The following SRSF4 variants were observed in gnomAD, a reference collection of about 807,000 sequenced individuals.
SRSF4 encodes serine and arginine rich splicing factor 4, also known as serine/arginine-rich splicing factor 4.
In SRSF4, 12 loss-of-function variants were observed where a neutral mutation model predicts 48.8. The ratio of observed to expected loss-of-function variants is 0.25; its 90% CI spans 0.16 to 0.40. The LOEUF (loss-of-function observed/expected upper bound fraction) is 0.40. Ranked by LOEUF, SRSF4 falls within the 10% of genes least tolerant of loss-of-function variation. The pLI is 1.00. For missense variants in SRSF4, 466 were observed against 667.1 expected, an observed-to-expected ratio of 0.70 and a Z score of 3.32; for synonymous variants, 248 against 232.5, an observed-to-expected ratio of 1.07 and a Z score of -0.61.
chr1:29,165,364 A>T (rs1319633040), intron 1 of SRSF4, among the ~76,000 whole-genome samples: 1 of 152,234 alleles, frequency 6.6e-6, no homozygotes, highest in Non-Finnish European at 1.5e-5. Context: ...AATTCTGAAA[A>T]GGTAGAACTG....
At chr1:29,153,938 C>G (rs554183430) in intron 4 of SRSF4, among the ~76,000 whole-genome samples, 4 of 151,964 alleles carry the variant, frequency 2.6e-5, no homozygotes, top group African/African-American at 7.2e-5. Flanking sequence ...TCCCTGTCGC[C>G]CAGGCTGGAG....
At chr1:29,149,295 A>T in intron 5 of SRSF4, 69 bp from the exon 6 acceptor site, 1 of 1,541,988 alleles carries the variant, frequency 6.5e-7, no homozygotes, top group Non-Finnish European at 8.7e-7. Flanking sequence ...AAAAGACCAA[A>T]GGGCATACAT....
chr1:29,176,229 G>C (rs532762028), intron 1 of SRSF4, among the ~76,000 whole-genome samples: 1 of 152,136 alleles, frequency 6.6e-6, no homozygotes, highest in Admixed American at 6.6e-5. Flanking sequence ...TCCAGCCTGG[G>C]CGACAGAGCA....
chr1:29,172,158 T>C (rs973210862), intron 1 of SRSF4: 5 of 152,180 alleles, frequency 3.3e-5, no homozygotes, highest in African/African-American at 9.7e-5. Flanking sequence ...AAAAAAAAAT[T>C]TGATCACATT....
At chr1:29,169,360 C>T (rs1159655665) in intron 1 of SRSF4, 4 of 152,216 alleles carry the variant, frequency 2.6e-5, no homozygotes, top group Admixed American at 2.6e-4. Context: ...GAAACACAAG[C>T]TCTTGCACAG....
At chr1:29,169,566 CTA>C (rs1271394076) in intron 1 of SRSF4, 1 of 152,146 alleles carries the variant, frequency 6.6e-6, no homozygotes, top group African/African-American at 2.4e-5. Context: ...AATTTTAATA[CTA>C]GTCTAGGAAA....
chr1:29,159,028 C>T (rs1672552528), intron 3 of SRSF4, among the ~76,000 whole-genome samples: 1 of 151,828 alleles, frequency 6.6e-6, no homozygotes, highest in African/African-American at 2.4e-5. Context: ...ATTGCTTGAA[C>T]CCGGGAGGCG....
At chr1:29,167,928 A>G (rs1672690277) in intron 1 of SRSF4, among the ~76,000 whole-genome samples, 1 of 152,048 alleles carries the variant, frequency 6.6e-6, no homozygotes, top group Admixed American at 6.6e-5. Flanking sequence ...CTCATTTTCA[A>G]GGAGCTCATG....
At chr1:29,166,971 T>A (rs1347517851) in intron 1 of SRSF4, 1 of 152,258 alleles carries the variant, frequency 6.6e-6, no homozygotes, top group Admixed American at 6.5e-5. Context: ...GACCATCTAA[T>A]TTGCTCCCAA....
rs1644232149 is a variant in SRSF4, at chr1:29,148,150, G to A, written c.*260C>T. The A allele has an allele frequency of 1.6e-6, 1 of 619,478 alleles. No individual in the cohort carries two copies. Among genetic ancestry groups the A allele is most frequent in the African/African-American group, 1.8e-5 (1 of 55,516 alleles). 38.4% of individuals were successfully genotyped at this position (619,478 alleles called of 1,614,324 possible). A position where few individuals can be genotyped will look rare whatever the true frequency, so the allele number is the denominator to read the frequency against. ...CCTGTAGGAAAGGCCAGGCCTGAAA[G>A]CCAAGGCGTTTTGGATATTCTACTG... On this transcript the variant is annotated 3_prime_UTR_variant, in exon 6 of 6. Transcript: ENST00000373795.
Position 29,147,836 on chromosome 1 carries a change from C to G in SRSF4, c.*574G>C, listed in dbSNP as rs1219763355. 1.1e-5 allele frequency: 2 copies of G among 174,426 alleles called. No homozygotes were observed. The highest frequency in any genetic ancestry group is 1.1e-4 in the Admixed American group (2 of 17,688). 10.8% of individuals were successfully genotyped at this position (174,426 alleles called of 1,614,324 possible). Reference sequence around the variant, plus strand: ...GGGAAAAATAAAATTAAAAAAAATTCTTTTCTTTTCTTTTTTAATATAAAA... The same window carrying G: ...GGGAAAAATAAAATTAAAAAAAATTGTTTTCTTTTCTTTTTTAATATAAAA... On this transcript the variant is annotated 3_prime_UTR_variant, in exon 6 of 6. Coordinates refer to ENST00000373795, the MANE Select transcript of SRSF4 (RefSeq NM_005626.5).
At position 29,148,716 on chromosome 1, in the gene SRSF4, C is replaced by A. The variant is rs542642003; in HGVS notation, c.1179G>T (p.Lys393Asn). The change falls in exon 6 of 6, where the codon AAG becomes AAT. Residue 393 changes from lysine to asparagine, a missense_variant. Coordinates refer to ENST00000373795, the MANE Select transcript of SRSF4 (RefSeq NM_005626.5). ...AGCGGTCAGTGTCTTCCTTCTTCTT[C>A]TTCTTGCTGCTGCCCGCCTTGCTGT... is the stretch of plus-strand genomic sequence containing the variant. ...KRDSKAGSSK[K>N]KKKEDTDRSQ... 198 of 1,613,782 alleles carry A rather than the reference C, an allele frequency of 1.2e-4. No individual in the cohort carries two copies. The highest frequency in any genetic ancestry group is 1.6e-4 in the Non-Finnish European group (185 of 1,179,964).
chr1:29,160,304 T>C (rs1672574345), intron 2 of SRSF4, 71 bp downstream of exon 2: 1 of 1,477,168 alleles, frequency 6.8e-7, no homozygotes, highest in Non-Finnish European at 9.1e-7. Flanking sequence ...GTAATATCAA[T>C]TAATTACTTT....
intron 4 of SRSF4, among the ~76,000 whole-genome samples, chr1:29,154,316 G>A (rs767591337): frequency 1.3e-5 from 2 of 152,168 alleles, no homozygotes; most frequent in African/African-American, 2.4e-5. Context: ...CACCCACCTC[G>A]GCCTCCCAAA....
intron 1 of SRSF4, chr1:29,172,179 A>G (rs1033856419): frequency 6.6e-6 from 1 of 152,246 alleles, no homozygotes; most frequent in African/African-American, 2.4e-5. Context: ...TGTAATAGTT[A>G]TATTACTAAT....
chr1:29,148,068 C>A lies in SRSF4; in HGVS notation c.*342G>T. On this transcript the variant is annotated 3_prime_UTR_variant, in exon 6 of 6. Coordinates refer to ENST00000373795, the MANE Select transcript of SRSF4 (RefSeq NM_005626.5). Reference sequence around the variant, plus strand: ...ATTCAAGAGCAAAAATGGTTGAACTCACCATACCTACCTATGTGGTCATTC... The same window carrying A: ...ATTCAAGAGCAAAAATGGTTGAACTAACCATACCTACCTATGTGGTCATTC... 2.0e-6 allele frequency: 1 copy of A among 499,276 alleles called. No homozygotes were observed. Among genetic ancestry groups the A allele is most frequent in the Non-Finnish European group, 3.9e-6 (1 of 255,906 alleles). 30.9% of individuals were successfully genotyped at this position (499,276 alleles called of 1,614,324 possible).
intron 1 of SRSF4, among the ~76,000 whole-genome samples, chr1:29,161,657 G>T (rs1166403173): frequency 2.6e-5 from 4 of 152,212 alleles, no homozygotes; most frequent in Non-Finnish European, 4.4e-5. Flanking sequence ...GGAGCGCAGT[G>T]GTGCGATCTC....
Position 29,148,254 on chromosome 1 carries a change from A to T in SRSF4, c.*156T>A, listed in dbSNP as rs1672336714. The T allele has an allele frequency of 5.5e-6, 6 of 1,096,832 alleles. No individual in the cohort carries two copies. Among genetic ancestry groups the T allele is most frequent in the Non-Finnish European group, 8.1e-6 (6 of 741,936 alleles). 67.9% of individuals were successfully genotyped at this position (1,096,832 alleles called of 1,614,324 possible). On this transcript the variant is annotated 3_prime_UTR_variant, in exon 6 of 6. Transcript: ENST00000373795. ...GGAAGGCCTGGTGCCAGGAGGCTTT[A>T]CTGAGAGGAAGCACTTAGATTTAAC...
chr1:29,181,698 C>G lies in SRSF4; in HGVS notation c.55G>C (p.Glu19Gln), dbSNP rs1220690140. Residue 19 changes from glutamate to glutamine, a missense_variant, in exon 1 of 6, where the codon GAG becomes CAG. Transcript: ENST00000373795. Reference sequence around the variant, plus strand: ...TTCCCGTAGCCCTTAAAGAAGCGCTCCACATCGCGCTCCCGGGCCTGGTAG... The same window carrying G: ...TTCCCGTAGCCCTTAAAGAAGCGCTGCACATCGCGCTCCCGGGCCTGGTAG... Reference protein sequence around the residue: ...LSYQARERDVERFFKGYGKIL... With the variant: ...LSYQARERDVQRFFKGYGKIL... The G allele has an allele frequency of 1.3e-6, 2 of 1,596,430 alleles. No individual in the cohort carries two copies.
Sources: gnomAD v4.1 joint callset for allele counts (sites outside exome capture counted in the v4.1 genomes callset) on GRCh38, gnomAD v4.1.1 for gene constraint, MANE v1.5 for transcripts, NCBI Gene and HGNC (gene_info 2026-07-23, HGNC 2026-07-21) for gene names.